Variants in BRINP1 observed in about 807,000 individuals in gnomAD.
The protein encoded by BRINP1 is BMP/retinoic acid-inducible neural-specific protein 1.
Under a neutral mutation model 72.9 loss-of-function variants are expected in BRINP1, and 17 were observed. The observed-to-expected ratio is 0.23, with a 90% CI of 0.16 to 0.35. The LOEUF (loss-of-function observed/expected upper bound fraction) is 0.35. Ranked by LOEUF, BRINP1 falls within the 10% of genes least tolerant of loss-of-function variation. The pLI is 1.00. For synonymous variants in BRINP1, 418 were observed against 378.5 expected (o/e 1.10, Z -1.21); for missense variants, 850 against 1,001.6 (o/e 0.85, Z 2.04).
intron 7 of BRINP1, among the ~76,000 whole-genome samples, chr9:119,186,487 C>T (rs1829621955): frequency 6.6e-6 from 1 of 152,148 alleles, no homozygotes; most frequent in Non-Finnish European, 1.5e-5. Flanking sequence ...GGTGCTCCAG[C>T]CCAGCAGAAA....
At position 119,167,828 on chromosome 9, in the gene BRINP1, G is replaced by A. The variant is rs373092839; in HGVS notation, c.1542C>T (p.Thr514=). The A allele has an allele frequency of 1.2e-6, 2 of 1,614,206 alleles. No individual in the cohort carries two copies. Among genetic ancestry groups the A allele is most frequent in the East Asian group, 2.2e-5 (1 of 44,866 alleles). Residue 514 remains threonine (T), a synonymous_variant, in exon 8 of 8, where the codon ACC becomes ACT. Transcript: ENST00000265922. This position sits in a 1 kb window ranked among gnomAD's most constrained non-coding sequence, Gnocchi z 4.3. ...GCTTGCGCCACCGAGGGTCAAAGAA[G>A]GTGTCGAGGCGGATCTCGTTGCTGA... ...TFISNEIRLD[T]FFDPRWRKRM...
intron 7 of BRINP1, among the ~76,000 whole-genome samples, chr9:119,175,044 C>T (rs1432512168): frequency 6.8e-6 from 1 of 146,412 alleles, no homozygotes; most frequent in African/African-American, 2.6e-5. Context: ...GTGCAGTGCA[C>T]CAGCATGGCA....
chr9:119,268,390 T>G lies in BRINP1; in HGVS notation c.219-19240A>C, dbSNP rs571453380. On this transcript the variant is annotated intron_variant, in intron 2 of 7. Transcript: ENST00000265922. ...TCTCCAACTTCACCCTCTACCATCC[T>G]CCATTAATTGATCTCTATCCAAAGT... Among the ~76,000 whole-genome samples the G allele has an allele frequency of 5.9e-5, 9 of 152,216 alleles. No homozygotes were observed. In the South Asian group the frequency reaches 1.9e-3, roughly 32 times the overall value.
chr9:119,256,782 C>A (rs552040649), intron 2 of BRINP1, among the ~76,000 whole-genome samples: 17 of 152,278 alleles, frequency 1.1e-4, no homozygotes, highest in African/African-American at 3.9e-4. Flanking sequence ...GTCTATAGGG[C>A]GCACTGGATA....
At chr9:119,180,299 GC>G (rs1420317742) in intron 7 of BRINP1, among the ~76,000 whole-genome samples, 1 of 152,196 alleles carries the variant, frequency 6.6e-6, no homozygotes, top group Non-Finnish European at 1.5e-5. Flanking sequence ...TTTTATTTAT[GC>G]CCTTTGCTTT....
rs145764324 is a variant in BRINP1, at chr9:119,189,620, G to C, written c.1145+19099C>G. On this transcript the variant is annotated intron_variant, in intron 7 of 7. Transcript: ENST00000265922. ...AGCATCAGTTCATCAAGAGGACATAGCAAATATAAATATACATATGCACCC... is the reference window on the plus strand; with the variant it reads ...AGCATCAGTTCATCAAGAGGACATACCAAATATAAATATACATATGCACCC... 4.7e-3 allele frequency among the ~76,000 whole-genome samples: 708 copies of C among 152,068 alleles called. 4 individuals are homozygous for C. The highest frequency in any genetic ancestry group is 0.016 in the African/African-American group (675 of 41,520).
intron 2 of BRINP1, among the ~76,000 whole-genome samples, chr9:119,254,032 G>A (rs773427500): frequency 3.9e-5 from 6 of 152,078 alleles, no homozygotes; most frequent in Non-Finnish European, 5.9e-5. Context: ...GTACACTTAA[G>A]TAAAAGGGCT....
At chr9:119,224,986 CT>C (rs1174808230) in intron 5 of BRINP1, among the ~76,000 whole-genome samples, 1 of 151,934 alleles carries the variant, frequency 6.6e-6, no homozygotes, top group African/African-American at 2.4e-5. Flanking sequence ...TACACCAAAT[CT>C]TTTTTTAATT....
At chr9:119,329,090 G>A (rs910036358) in intron 1 of BRINP1, among the ~76,000 whole-genome samples, 6 of 152,200 alleles carry the variant, frequency 3.9e-5, no homozygotes, top group African/African-American at 1.4e-4. Flanking sequence ...CTACACAGGT[G>A]CTCAAGATAC....
chr9:119,168,600 A>G (rs200902266), intron 7 of BRINP1, among the ~76,000 whole-genome samples: 5 of 150,398 alleles, frequency 3.3e-5, no homozygotes, highest in South Asian at 4.3e-4. Context: ...ATGACAACAT[A>G]TTGTAAACAA....
chr9:119,264,460 C>T (rs1024471038), intron 2 of BRINP1, among the ~76,000 whole-genome samples: 1 of 152,182 alleles, frequency 6.6e-6, no homozygotes, highest in Non-Finnish European at 1.5e-5. Flanking sequence ...AGTCAATGAA[C>T]CCCACTGTCT....
chr9:119,252,519 T>G (rs1191154466), intron 2 of BRINP1, among the ~76,000 whole-genome samples: 1 of 151,558 alleles, frequency 6.6e-6, no homozygotes, highest in African/African-American at 2.4e-5. Context: ...AACATACTGA[T>G]ATATCAGTAT....
chr9:119,289,338 A>G (rs1830800053), intron 2 of BRINP1, among the ~76,000 whole-genome samples: 2 of 152,204 alleles, frequency 1.3e-5, no homozygotes, highest in African/African-American at 4.8e-5. Context: ...TCTACCTGTA[A>G]GACGATGAAG....
intron 2 of BRINP1, among the ~76,000 whole-genome samples, chr9:119,255,954 CAAAAAAAAAAAAAA>C (rs58972395): frequency 5.6e-5 from 3 of 53,482 alleles, no homozygotes; most frequent in African/African-American, 2.3e-4. Context: ...GACTCCAGCT[CAAAAAAAAAAAAAA>C]AAAAAAAAAA....
intron 5 of BRINP1, among the ~76,000 whole-genome samples, chr9:119,236,822 T>C (rs1264293890): frequency 3.3e-5 from 5 of 152,234 alleles, no homozygotes; most frequent in African/African-American, 1.2e-4. Flanking sequence ...GCTACTCTTT[T>C]CTGTCTACTC....
At chr9:119,361,953 G>A (rs780676672) in intron 1 of BRINP1, among the ~76,000 whole-genome samples, 29 of 151,624 alleles carry the variant, frequency 1.9e-4, no homozygotes, top group African/African-American at 2.7e-4. Context: ...ACAAGCACAC[G>A]CCACCATGCC....
intron 2 of BRINP1, among the ~76,000 whole-genome samples, chr9:119,301,006 A>C (rs562884830): frequency 6.6e-6 from 1 of 152,216 alleles, no homozygotes; most frequent in Non-Finnish European, 1.5e-5. Context: ...GCATAGCTCC[A>C]AGTGTTATCA....
At chr9:119,343,234 C>T (rs2119025498) in intron 1 of BRINP1, among the ~76,000 whole-genome samples, 1 of 152,310 alleles carries the variant, frequency 6.6e-6, no homozygotes, top group Middle Eastern at 3.4e-3. Flanking sequence ...AGTGCAGATG[C>T]AAACAGATTG....
In BRINP1 at chr9:119,261,906, C is replaced by G. The variant is rs576836499; in HGVS notation, c.219-12756G>C. Among the ~76,000 whole-genome samples, 38 of 151,880 alleles carry G rather than the reference C, an allele frequency of 2.5e-4. 1 individual carries two copies. Among genetic ancestry groups the G allele is most frequent in the Admixed American group, 2.5e-3 (38 of 15,238 alleles). ...TTCTTCTCTTCCTCTCTCTCTCTCTCTCCCTCCCTCCTGCATGTATTTACT... is the reference window on the plus strand; with the variant it reads ...TTCTTCTCTTCCTCTCTCTCTCTCTGTCCCTCCCTCCTGCATGTATTTACT... On this transcript the variant is annotated intron_variant, in intron 2 of 7. Transcript: ENST00000265922.
Sources: allele counts gnomAD v4.1 joint callset (sites outside exome capture counted in the v4.1 genomes callset), GRCh38; gene constraint gnomAD v4.1.1; non-coding constraint Gnocchi (gnomAD v3.1); transcripts MANE v1.5; gene names NCBI Gene and HGNC (gene_info 2026-07-23, HGNC 2026-07-21).